NARS2: variants seen among roughly 807,000 people sequenced by gnomAD.
NARS2 encodes the protein asparaginyl-tRNA synthetase.
A neutral mutation model predicts 62.9 loss-of-function variants in NARS2; 60 were observed. That is an observed-to-expected ratio of 0.95 (90% CI 0.77 to 1.18). The LOEUF (loss-of-function observed/expected upper bound fraction) is 1.18, where lower values mean the gene tolerates loss of function less well. Ranked by LOEUF, NARS2 falls within the 50% of genes most tolerant of loss-of-function variation. The pLI, the probability that NARS2 is intolerant of heterozygous loss-of-function variation, is 0.00. For missense variants in NARS2, 619 were observed against 576.4 expected (o/e 1.07, Z -0.76); for synonymous variants, 196 against 200.0 (o/e 0.98, Z 0.17).
Position 78,443,091 on chromosome 11 carries a change from T to C in NARS2, c.1262+570A>G, listed in dbSNP as rs183708702. Among the ~76,000 whole-genome samples the C allele has an allele frequency of 7.6e-3, 1,152 of 152,198 alleles. 9 individuals are homozygous for C. Among genetic ancestry groups the C allele is most frequent in the South Asian group, 0.012 (59 of 4,824 alleles). ...CTGTAATCCCAGCACTCTGGGAGGC[T>C]GAGGCGGGCAGATCACGAGGTCAGG... On this transcript the variant is annotated intron_variant, in intron 12 of 13. Coordinates refer to ENST00000281038, the MANE Select transcript of NARS2 (RefSeq NM_024678.6).
chr11:78,518,970 T>C (rs1385456004), intron 6 of NARS2, among the ~76,000 whole-genome samples: 1 of 152,190 alleles, frequency 6.6e-6, no homozygotes, highest in African/African-American at 2.4e-5. Flanking sequence ...AAACGCAATC[T>C]AATGCTATAG....
chr11:78,552,048 A>G (rs565469800), intron 5 of NARS2, among the ~76,000 whole-genome samples: 1 of 152,280 alleles, frequency 6.6e-6, no homozygotes, highest in South Asian at 2.1e-4. Context: ...GGTCTGTTAC[A>G]TAAACACGTG....
At chr11:78,499,804 T>TA (rs1372816086) in intron 6 of NARS2, among the ~76,000 whole-genome samples, 1 of 152,222 alleles carries the variant, frequency 6.6e-6, no homozygotes, top group Non-Finnish European at 1.5e-5. Context: ...ACTGACTGGA[T>TA]ATGGGGGCTT....
intron 6 of NARS2, among the ~76,000 whole-genome samples, chr11:78,494,561 C>T (rs1365639203): frequency 6.7e-6 from 1 of 149,798 alleles, no homozygotes; most frequent in Non-Finnish European, 1.5e-5. Context: ...CTCTCAATTG[C>T]CATTTCAGTA....
intron 5 of NARS2, among the ~76,000 whole-genome samples, chr11:78,547,947 C>T (rs1221075292): frequency 6.0e-5 from 9 of 149,158 alleles, no homozygotes; most frequent in African/African-American, 1.2e-4. Context: ...AGGCCAGGCA[C>T]GGTGGTTCAC....
intron 11 of NARS2, among the ~76,000 whole-genome samples, chr11:78,445,779 G>A (rs114717253): frequency 0.016 from 2,442 of 152,182 alleles, 53 homozygotes; most frequent in African/African-American, 0.055. Flanking sequence ...GCAAGACTCC[G>A]TCCCTACAAA....
intron 2 of NARS2, 59 bp downstream of exon 2, chr11:78,571,276 G>T: frequency 9.5e-7 from 1 of 1,053,606 alleles, no homozygotes; most frequent in Non-Finnish European, 1.5e-6. Flanking sequence ...GTAGGGAAGT[G>T]AGAAGCACTA....
chr11:78,513,452 A>C (rs1435241378), intron 6 of NARS2, among the ~76,000 whole-genome samples: 1 of 150,898 alleles, frequency 6.6e-6, no homozygotes, highest in South Asian at 2.1e-4. Context: ...CCATGAGTTC[A>C]ATTGTTTTGA....
intron 4 of NARS2, among the ~76,000 whole-genome samples, chr11:78,559,972 A>G (rs985167176): frequency 3.9e-5 from 6 of 152,186 alleles, no homozygotes; most frequent in Admixed American, 3.3e-4. Context: ...TTAGTACTAT[A>G]TTCTCTTCCC....
chr11:78,465,667 TAAG>T (rs960723585), intron 11 of NARS2, among the ~76,000 whole-genome samples: 5 of 152,358 alleles, frequency 3.3e-5, no homozygotes, highest in South Asian at 2.1e-4. Flanking sequence ...CCTGCTAAAC[TAAG>T]AAGAAGACCT....
At chr11:78,520,853 C>T (rs1369271778) in intron 6 of NARS2, among the ~76,000 whole-genome samples, 3 of 151,918 alleles carry the variant, frequency 2.0e-5, no homozygotes, top group East Asian at 3.9e-4. Context: ...GTCAGGAGTT[C>T]GAGAACAGCC....
chr11:78,574,457 A>G lies in NARS2; in HGVS notation c.32T>C (p.Val11Ala). Reference protein sequence around the residue: MLGVRCLLRSVRFCSSAPFPK... With the variant: MLGVRCLLRSARFCSSAPFPK... ...GAAGGGGGCGGAGGAACAGAAGCGC[A>G]CGGACCGCAGCAGGCAGCGGACCCC... The change falls in exon 1 of 14, where the codon GTG becomes GCG. Residue 11 changes from valine to alanine, a missense_variant. By Grantham distance (64) the Val-to-Ala change is moderately conservative (BLOSUM62 0). Transcript: ENST00000281038. 1 of 1,613,814 alleles carries G rather than the reference A, an allele frequency of 6.2e-7. No homozygotes were observed. Among genetic ancestry groups the G allele is most frequent in the Non-Finnish European group, 8.5e-7 (1 of 1,179,906 alleles).
intron 11 of NARS2, among the ~76,000 whole-genome samples, chr11:78,462,577 C>T (rs1394431812): frequency 6.6e-6 from 1 of 152,186 alleles, no homozygotes; most frequent in African/African-American, 2.4e-5. Flanking sequence ...TTTAAAAATA[C>T]ACTTTAAAGC....
At chr11:78,473,778 T>C (rs933269312) in intron 9 of NARS2, among the ~76,000 whole-genome samples, 1 of 152,248 alleles carries the variant, frequency 6.6e-6, no homozygotes, top group Admixed American at 6.5e-5. Flanking sequence ...AATTTTCTGT[T>C]TGTTTGCTTA....
chr11:78,476,854 T>G (rs538490673), intron 9 of NARS2, among the ~76,000 whole-genome samples: 1 of 152,314 alleles, frequency 6.6e-6, no homozygotes, highest in East Asian at 1.9e-4. Context: ...ACTCTACCCT[T>G]AATTCCAGTA....
intron 11 of NARS2, among the ~76,000 whole-genome samples, chr11:78,447,848 G>C (rs1175921936): frequency 1.3e-5 from 2 of 152,166 alleles, no homozygotes; most frequent in East Asian, 3.9e-4. Context: ...GCTGGAGTGG[G>C]AAGGAAGGGA....
At chr11:78,511,118 C>T (rs913891508) in intron 6 of NARS2, among the ~76,000 whole-genome samples, 1 of 152,098 alleles carries the variant, frequency 6.6e-6, no homozygotes, top group Non-Finnish European at 1.5e-5. Flanking sequence ...TATTCTATTG[C>T]TCAGGCTTCA....
At chr11:78,520,162 C>T (rs930453430) in intron 6 of NARS2, among the ~76,000 whole-genome samples, 3 of 152,162 alleles carry the variant, frequency 2.0e-5, no homozygotes, top group African/African-American at 7.2e-5. Context: ...TGGCTTAAAA[C>T]AACAGAAATG....
intron 3 of NARS2, among the ~76,000 whole-genome samples, chr11:78,567,831 T>G (rs1280212944): frequency 6.6e-6 from 1 of 152,200 alleles, no homozygotes; most frequent in Non-Finnish European, 1.5e-5. Context: ...AAGACAGGTG[T>G]AGCAAAAACA....
Sources: gnomAD v4.1 joint callset for allele counts (sites outside exome capture counted in the v4.1 genomes callset) on GRCh38, gnomAD v4.1.1 for gene constraint, MANE v1.5 for transcripts, NCBI Gene and HGNC (gene_info 2026-07-23, HGNC 2026-07-21) for gene names.